PLCG2: variants seen among roughly 807,000 people sequenced by gnomAD.
PLCG2 encodes phospholipase C gamma 2.
A neutral mutation model predicts 175.6 loss-of-function variants in PLCG2; 69 were observed. The observed-to-expected ratio is 0.39, with a 90% CI of 0.32 to 0.48. The LOEUF (loss-of-function observed/expected upper bound fraction) is 0.48, where lower values mean the gene tolerates loss of function less well. PLCG2 is among the 20% of genes least tolerant of loss of function. PLCG2 has a pLI of 0.91. For synonymous variants in PLCG2, 827 were observed against 624.0 expected (o/e 1.33, Z -4.85); for missense variants, 1,798 against 1,650.9 (o/e 1.09, Z -1.54).
chr16:81,921,169 TC>T (rs1168263470), intron 20 of PLCG2, 28 bp from the exon 21 acceptor site: 1 of 1,362,602 alleles, frequency 7.3e-7, no homozygotes, highest in South Asian at 1.2e-5. Context: ...CATGGATTAT[TC>T]CATTTCTTTC....
intron 5 of PLCG2, among the ~76,000 whole-genome samples, chr16:81,863,663 G>C (rs1344558087): frequency 6.6e-6 from 1 of 152,224 alleles, no homozygotes; most frequent in African/African-American, 2.4e-5. Context: ...GTTTTCTGTA[G>C]CAGCTACACC....
In PLCG2 at chr16:81,962,427, T is replaced by C. The variant is rs1039222455; in HGVS notation, c.*4429T>C. Reference sequence around the variant, plus strand: ...CCCTGGTTTTTAATTTTCAAAATATTTTCTTTTTGAAGAGCCAGATTCCAG... The same window carrying C: ...CCCTGGTTTTTAATTTTCAAAATATCTTCTTTTTGAAGAGCCAGATTCCAG... On this transcript the variant is annotated 3_prime_UTR_variant, in exon 33 of 33. Transcript: ENST00000564138. 4.2e-5 allele frequency: 9 copies of C among 214,254 alleles called. No homozygotes were observed. Among genetic ancestry groups the C allele is most frequent in the African/African-American group, 2.0e-4 (9 of 44,348 alleles). 13.3% of individuals were successfully genotyped at this position (214,254 alleles called of 1,614,324 possible).
intron 2 of PLCG2, among the ~76,000 whole-genome samples, chr16:81,840,087 C>T (rs1160653785): frequency 6.6e-6 from 1 of 152,188 alleles, no homozygotes; most frequent in African/African-American, 2.4e-5. Flanking sequence ...TTTGATGGCC[C>T]ATGCTGGGGG....
intron 2 of PLCG2, among the ~76,000 whole-genome samples, chr16:81,817,871 T>C (rs1180238678): frequency 1.3e-5 from 2 of 152,232 alleles, no homozygotes; most frequent in African/African-American, 4.8e-5. Context: ...ACAAGCTCCC[T>C]GTGCTTATGA....
At chr16:81,839,780 G>T (rs1193355280) in intron 2 of PLCG2, among the ~76,000 whole-genome samples, 1 of 152,238 alleles carries the variant, frequency 6.6e-6, no homozygotes, top group African/African-American at 2.4e-5. Context: ...GCTGGGCATG[G>T]TGGCTCATGC....
At chr16:81,895,669 T>A (rs1018204849) in intron 12 of PLCG2, 138 bp from the exon 13 acceptor site, 5 of 866,580 alleles carry the variant, frequency 5.8e-6, no homozygotes, top group Non-Finnish European at 9.2e-6. Flanking sequence ...GGGAAAGCCA[T>A]GTCCTCGTGT....
At chr16:81,799,426 G>C (rs1911621421) in intron 2 of PLCG2, among the ~76,000 whole-genome samples, 1 of 152,020 alleles carries the variant, frequency 6.6e-6, no homozygotes, top group South Asian at 2.1e-4. Context: ...TTTAGTTAAT[G>C]AATTAATTAA....
Position 81,959,892 on chromosome 16 carries a change from T to C in PLCG2, c.*1894T>C, listed in dbSNP as rs1337418907. ...TACCTCCTTTCAGCTCCTCACTTCA[T>C]TCTACTTTAAAGCCACAGTGCTAAG... On this transcript the variant is annotated 3_prime_UTR_variant, in exon 33 of 33. Transcript: ENST00000564138. 1 of 191,162 alleles carries C rather than the reference T, an allele frequency of 5.2e-6. No individual in the cohort carries two copies. Among genetic ancestry groups the C allele is most frequent in the Non-Finnish European group, 1.1e-5 (1 of 91,236 alleles). The allele number at this position is 191,162 out of a possible 1,614,324, so 11.8% of individuals were successfully genotyped here. A position where few individuals can be genotyped will look rare whatever the true frequency, so the allele number is the denominator to read the frequency against.
rs1459249110 is a variant in PLCG2, at chr16:81,934,610, G to A, written c.2842+79G>A. The A allele has an allele frequency of 4.4e-5, 38 of 860,262 alleles. No individual in the cohort carries two copies. The East Asian group carries it at 9.7e-4, about 22-fold the overall frequency. 53.3% of individuals were successfully genotyped at this position (860,262 alleles called of 1,614,324 possible). On this transcript the variant is annotated intron_variant, in intron 26 of 32. Coordinates refer to ENST00000564138, the MANE Select transcript of PLCG2 (RefSeq NM_002661.5). ...TTTAGAGTCTGATATTTTCAGAGGG[G>A]GCAGAGAGTGCATTCTCTCATTCTT...
chr16:81,911,500 C>G (rs751067575), intron 18 of PLCG2, among the ~76,000 whole-genome samples: 2 of 152,090 alleles, frequency 1.3e-5, no homozygotes, highest in Admixed American at 6.6e-5. Context: ...TGCAGTGGAA[C>G]AATCACGTCT....
At chr16:81,852,592 G>A (rs1431996032) in intron 2 of PLCG2, among the ~76,000 whole-genome samples, 1 of 152,160 alleles carries the variant, frequency 6.6e-6, no homozygotes, top group Non-Finnish European at 1.5e-5. Context: ...TGCCTGGTAG[G>A]TTTTGACCAG....
chr16:81,858,021 G>A (rs1244449146), intron 3 of PLCG2: 2 of 483,866 alleles, frequency 4.1e-6, no homozygotes, highest in African/African-American at 1.9e-5. Flanking sequence ...ATTTGGCACA[G>A]GAAATAACCC....
intron 3 of PLCG2, among the ~76,000 whole-genome samples, chr16:81,857,682 ACT>A (rs1906754937): frequency 6.6e-6 from 1 of 151,978 alleles, no homozygotes; most frequent in Non-Finnish European, 1.5e-5. Context: ...TGGAGGCCCC[ACT>A]CTCATTACTT....
At chr16:81,838,593 A>G (rs900308068) in intron 2 of PLCG2, among the ~76,000 whole-genome samples, 8 of 151,278 alleles carry the variant, frequency 5.3e-5, no homozygotes, top group Non-Finnish European at 1.2e-4. Flanking sequence ...GGAACATCAC[A>G]CACCAGGGCC....
At chr16:81,789,421 C>T (rs531564059) in intron 2 of PLCG2, among the ~76,000 whole-genome samples, 78 of 152,276 alleles carry the variant, frequency 5.1e-4, no homozygotes, top group Admixed American at 2.2e-3. Flanking sequence ...TCCCAAGTAG[C>T]TGAGACTACA....
chr16:81,934,084 C>A (rs1040842604), intron 25 of PLCG2, among the ~76,000 whole-genome samples: 5 of 152,126 alleles, frequency 3.3e-5, no homozygotes, highest in Non-Finnish European at 7.4e-5. Flanking sequence ...TTGAGACACT[C>A]TAACAGTGTG....
rs371668993 is a variant in PLCG2 at position 81,956,675 on chromosome 16, C to T, written c.3571-20C>T. On this transcript the variant is annotated intron_variant, in intron 31 of 32. Coordinates refer to ENST00000564138, the MANE Select transcript of PLCG2 (RefSeq NM_002661.5). Reference sequence around the variant, plus strand: ...AAGGTGTAGTCACCACATGGTTGTTCTCTCCCCTGCATCCTCCAGGAGAGC... The same window carrying T: ...AAGGTGTAGTCACCACATGGTTGTTTTCTCCCCTGCATCCTCCAGGAGAGC... 2 of 1,608,076 alleles carry T rather than the reference C, an allele frequency of 1.2e-6. No homozygotes were observed. The highest frequency in any genetic ancestry group is 1.7e-6 in the Non-Finnish European group (2 of 1,176,784).
Position 81,865,967 on chromosome 16 carries a change from G to T in PLCG2, c.480-3247G>T, listed in dbSNP as rs1287750504. On this transcript the variant is annotated intron_variant, in intron 5 of 32. Coordinates refer to ENST00000564138, the MANE Select transcript of PLCG2 (RefSeq NM_002661.5). Reference sequence around the variant, plus strand: ...GGCCTCTCCCTTTCTCCCAGGATGGGCTCCACTGGGGCACCAGCGTGAGAG... The same window carrying T: ...GGCCTCTCCCTTTCTCCCAGGATGGTCTCCACTGGGGCACCAGCGTGAGAG... 2.2e-5 allele frequency among the ~76,000 whole-genome samples: 3 copies of T among 135,174 alleles called. No individual in the cohort carries two copies. The East Asian group carries it at 6.9e-4, about 31-fold the overall frequency. The allele number at this position is 135,174 out of a possible 152,430, so 88.7% of individuals were successfully genotyped here.
At chr16:81,942,284 G>A (rs1005741499) in intron 30 of PLCG2, among the ~76,000 whole-genome samples, 10 of 152,240 alleles carry the variant, frequency 6.6e-5, no homozygotes, top group Non-Finnish European at 1.0e-4. Flanking sequence ...ATCAAAGTGT[G>A]TCAATTCATC....
Sources: gnomAD v4.1 joint callset for allele counts (sites outside exome capture counted in the v4.1 genomes callset) on GRCh38, gnomAD v4.1.1 for gene constraint, MANE v1.5 for transcripts, NCBI Gene and HGNC (gene_info 2026-07-23, HGNC 2026-07-21) for gene names.